FER: variants seen among roughly 807,000 people sequenced by gnomAD.
FER encodes the protein tyrosine-protein kinase Fer.
Under a neutral mutation model 111.0 loss-of-function variants are expected in FER, and 63 were observed. That is an observed-to-expected ratio of 0.57 (90% CI 0.46 to 0.70). The LOEUF (loss-of-function observed/expected upper bound fraction) is 0.70. Among genes scored for constraint, FER ranks in the 30% least tolerant of loss-of-function variants. FER has a pLI of 0.00. For missense variants in FER, 914 were observed against 954.0 expected, an observed-to-expected ratio of 0.96 and a Z score of 0.55; for synonymous variants, 327 against 313.9, an observed-to-expected ratio of 1.04 and a Z score of -0.44.
chr5:109,137,962 CCTACTCTCTAGCT>C lies in FER; in HGVS notation c.2048+37447_2048+37459del, dbSNP rs1172889439. Among the ~76,000 whole-genome samples the C allele has an allele frequency of 2.6e-5, 4 of 152,260 alleles. No homozygotes were observed. The South Asian group carries it at 8.3e-4, about 32-fold the overall frequency. The stretch of plus-strand genomic sequence containing the variant: ...ATTTTCTCCCGCAAGATGTACTGGG[CCTACTCTCTAGCT>C]CTAGTCTTTAACTAATGCACTGGTT... On this transcript the variant is annotated intron_variant, in intron 17 of 19. Coordinates refer to ENST00000281092, the MANE Select transcript of FER (RefSeq NM_005246.4).
intron 13 of FER, among the ~76,000 whole-genome samples, chr5:109,035,182 C>T (rs75633544): frequency 0.11 from 16,832 of 151,656 alleles, 1,038 homozygotes; most frequent in Non-Finnish European, 0.14. Context: ...TGCAAGTGTG[C>T]GCCACCACAC....
intron 9 of FER, among the ~76,000 whole-genome samples, chr5:108,891,992 A>G (rs1453212883): frequency 6.6e-6 from 1 of 152,178 alleles, no homozygotes; most frequent in African/African-American, 2.4e-5. Flanking sequence ...AAAGGACATG[A>G]ACTCATCCTT....
intron 13 of FER, among the ~76,000 whole-genome samples, chr5:109,021,984 A>G (rs1486858604): frequency 1.3e-5 from 2 of 152,100 alleles, no homozygotes; most frequent in African/African-American, 4.8e-5. Flanking sequence ...TTATAGGTTC[A>G]TCATGCTAAA....
At chr5:108,789,147 T>C (rs760314233) in intron 2 of FER, among the ~76,000 whole-genome samples, 4 of 152,250 alleles carry the variant, frequency 2.6e-5, no homozygotes, top group Non-Finnish European at 4.4e-5. Flanking sequence ...AAACTGACCA[T>C]ACTTGTGCAG....
intron 11 of FER, among the ~76,000 whole-genome samples, chr5:108,953,704 A>T (rs1005144470): frequency 6.6e-6 from 1 of 152,110 alleles, no homozygotes; most frequent in African/African-American, 2.4e-5. Context: ...AGCCTATAAA[A>T]CTTCATATAT....
intron 10 of FER, among the ~76,000 whole-genome samples, chr5:108,913,498 T>C (rs964314116): frequency 6.6e-6 from 1 of 152,186 alleles, no homozygotes; most frequent in Non-Finnish European, 1.5e-5. Flanking sequence ...ATAGGCAAAG[T>C]AGAAATTTGG....
At chr5:108,910,635 C>T (rs1334847246) in intron 10 of FER, among the ~76,000 whole-genome samples, 1 of 152,060 alleles carries the variant, frequency 6.6e-6, no homozygotes, top group Non-Finnish European at 1.5e-5. Flanking sequence ...CTCCGCTTCT[C>T]CCACTTCGCC....
intron 14 of FER, 30 bp from the exon 15 acceptor site, chr5:109,044,650 C>T (rs746948967): frequency 4.4e-6 from 5 of 1,146,738 alleles, no homozygotes; most frequent in East Asian, 2.5e-5. Context: ...TGTCATTTAC[C>T]CCAGACAATG....
intron 6 of FER, among the ~76,000 whole-genome samples, chr5:108,869,304 A>G (rs966377157): frequency 6.6e-6 from 1 of 152,134 alleles, no homozygotes; most frequent in Non-Finnish European, 1.5e-5. Context: ...CCAGATTCAC[A>G]AAGCTAAGAG....
intron 17 of FER, among the ~76,000 whole-genome samples, chr5:109,107,991 G>C (rs1426366139): frequency 6.6e-6 from 1 of 152,120 alleles, no homozygotes; most frequent in Non-Finnish European, 1.5e-5. Flanking sequence ...AACATGGCTA[G>C]ACAGAAAAGA....
chr5:109,192,574 C>T lies in FER; in HGVS notation c.*4999C>T, dbSNP rs1335709929. The T allele has an allele frequency of 1.3e-5, 2 of 152,070 alleles. No homozygotes were observed. The highest frequency in any genetic ancestry group is 6.6e-5 in the Admixed American group (1 of 15,258). The allele number at this position is 152,070 out of a possible 1,614,324, so 9.4% of individuals were successfully genotyped here. ...TATTCCAGTTTTTCAAAGACACTACCCAAAGCTTCTTTACATTTGCATTGG... is the reference window on the plus strand; with the variant it reads ...TATTCCAGTTTTTCAAAGACACTACTCAAAGCTTCTTTACATTTGCATTGG... On this transcript the variant is annotated 3_prime_UTR_variant, in exon 20 of 20. Transcript: ENST00000281092.
rs529733233 is a variant in FER at position 109,113,967 on chromosome 5, A to G, written c.2048+13448A>G. ...AACAAGATTAAAAAAATAGAAAACTATATATAATCAAGGCCTTAAGAATGG... is the reference window on the plus strand; with the variant it reads ...AACAAGATTAAAAAAATAGAAAACTGTATATAATCAAGGCCTTAAGAATGG... On this transcript the variant is annotated intron_variant, in intron 17 of 19. Coordinates refer to ENST00000281092, the MANE Select transcript of FER (RefSeq NM_005246.4). 3.6e-4 allele frequency among the ~76,000 whole-genome samples: 55 copies of G among 152,250 alleles called. No homozygotes were observed. In the South Asian group the frequency reaches 0.011, roughly 30 times the overall value.
intron 10 of FER, 41 bp downstream of exon 10, chr5:108,897,889 G>A (rs1304478744): frequency 1.3e-6 from 2 of 1,510,308 alleles, no homozygotes; most frequent in South Asian, 1.3e-5. Context: ...TGGAAGAGTA[G>A]TGTCTAGGTA....
At position 109,193,461 on chromosome 5, in the gene FER, C is replaced by CT. The variant is rs1201823537; in HGVS notation, c.*5887dup. On this transcript the variant is annotated 3_prime_UTR_variant, in exon 20 of 20. Transcript: ENST00000281092. ...AACAAATGAATATTTGGAATTCACT[C>CT]TAAGAGATACAAATCCTGAATTTCT... is the stretch of plus-strand genomic sequence containing the variant. 5.9e-5 allele frequency: 9 copies of CT among 152,284 alleles called. No individual in the cohort carries two copies. The highest frequency in any genetic ancestry group is 5.2e-4 in the Admixed American group (8 of 15,304). The allele number at this position is 152,284 out of a possible 1,614,324, so 9.4% of individuals were successfully genotyped here. A position where few individuals can be genotyped will look rare whatever the true frequency, so the allele number is the denominator to read the frequency against.
At chr5:108,839,694 C>CA (rs1761059014) in intron 5 of FER, among the ~76,000 whole-genome samples, 1 of 150,922 alleles carries the variant, frequency 6.6e-6, no homozygotes, top group South Asian at 2.1e-4. Flanking sequence ...TCTCCTGCCT[C>CA]AGCCTCTGGA....
At chr5:109,010,403 C>T (rs1395988801) in intron 13 of FER, among the ~76,000 whole-genome samples, 4 of 151,902 alleles carry the variant, frequency 2.6e-5, no homozygotes, top group Admixed American at 1.3e-4. Flanking sequence ...GTGATCCGCC[C>T]GCCTCGGCCT....
intron 10 of FER, among the ~76,000 whole-genome samples, chr5:108,940,203 A>G (rs1756067672): frequency 6.6e-6 from 1 of 152,134 alleles, no homozygotes; most frequent in Non-Finnish European, 1.5e-5. Flanking sequence ...GTCATAGAAA[A>G]TGGTAGTCAA....
chr5:109,095,951 A>G (rs935552417), intron 16 of FER, among the ~76,000 whole-genome samples: 1 of 152,110 alleles, frequency 6.6e-6, no homozygotes, highest in Non-Finnish European at 1.5e-5. Flanking sequence ...ATATATCTTA[A>G]TTGAATAAAC....
At chr5:108,903,988 C>A (rs1750397919) in intron 10 of FER, among the ~76,000 whole-genome samples, 1 of 152,104 alleles carries the variant, frequency 6.6e-6, no homozygotes, top group South Asian at 2.1e-4. Flanking sequence ...TTACAGCATA[C>A]AACAGTAGTG....
Sources: allele counts gnomAD v4.1 joint callset (sites outside exome capture counted in the v4.1 genomes callset), GRCh38; gene constraint gnomAD v4.1.1; transcripts MANE v1.5; gene names NCBI Gene and HGNC (gene_info 2026-07-23, HGNC 2026-07-21).